CSGALNACT1: variants seen among roughly 807,000 people sequenced by gnomAD.
CSGALNACT1 encodes the protein beta4GalNAcT-1.
CSGALNACT1 carries 52 observed loss-of-function variants against 51.0 expected under a neutral mutation model. That is an observed-to-expected ratio of 1.02 (90% CI 0.82 to 1.29). CSGALNACT1 has a LOEUF of 1.29. Ranked by LOEUF, CSGALNACT1 falls within the 50% of genes most tolerant of loss-of-function variation. CSGALNACT1 has a pLI of 0.00. For synonymous variants in CSGALNACT1, 341 were observed against 254.4 expected, an observed-to-expected ratio of 1.34 and a Z score of -3.24; for missense variants, 935 against 679.2, an observed-to-expected ratio of 1.38 and a Z score of -4.19.
chr8:19,528,868 C>A (rs1231269183), intron 3 of CSGALNACT1, among the ~76,000 whole-genome samples: 1 of 152,132 alleles, frequency 6.6e-6, no homozygotes, highest in Non-Finnish European at 1.5e-5. Context: ...ATACCCCAAA[C>A]GCTAAGGCTA....
At chr8:19,594,548 C>A (rs1426720483) in intron 2 of CSGALNACT1, among the ~76,000 whole-genome samples, 1 of 152,122 alleles carries the variant, frequency 6.6e-6, no homozygotes, top group Non-Finnish European at 1.5e-5. Context: ...CACCCAGGCA[C>A]CGTCTTCATT....
intron 4 of CSGALNACT1, among the ~76,000 whole-genome samples, chr8:19,468,967 C>A (rs1337273815): frequency 6.6e-6 from 1 of 152,130 alleles, no homozygotes. Flanking sequence ...GCAAGGGTCA[C>A]TGAGAAGTCC....
At chr8:19,438,197 C>CGGGGGG (rs913808381) in intron 6 of CSGALNACT1, among the ~76,000 whole-genome samples, 2 of 146,240 alleles carry the variant, frequency 1.4e-5, no homozygotes, top group Non-Finnish European at 1.5e-5. Context: ...GGGCGGGGGT[C>CGGGGGG]GGGGGGCAGC....
upstream of CSGALNACT1, chr8:19,682,681 T>C (rs1352682785): frequency 2.2e-6 from 1 of 454,098 alleles, no homozygotes; most frequent in South Asian, 1.6e-5. Flanking sequence ...TTGACACAAG[T>C]CTTGGGTTAC....
At chr8:19,676,479 A>G (rs188421085) in intron 1 of CSGALNACT1, among the ~76,000 whole-genome samples, 1 of 152,352 alleles carries the variant, frequency 6.6e-6, no homozygotes, top group Admixed American at 6.5e-5. Context: ...AACAGTCAAG[A>G]AAAGTCAGTA....
intron 3 of CSGALNACT1, among the ~76,000 whole-genome samples, chr8:19,511,772 G>C (rs1225207507): frequency 6.6e-6 from 1 of 152,126 alleles, no homozygotes; most frequent in African/African-American, 2.4e-5. Context: ...AAGAAAAGAG[G>C]TTTAATTGAC....
intron 3 of CSGALNACT1, among the ~76,000 whole-genome samples, chr8:19,528,099 CT>C (rs1287832680): frequency 6.6e-6 from 1 of 152,076 alleles, no homozygotes. Context: ...AACTTGGGGG[CT>C]GAGGCTCTGC....
intron 6 of CSGALNACT1, among the ~76,000 whole-genome samples, chr8:19,433,295 A>G (rs1463178393): frequency 6.6e-6 from 1 of 152,092 alleles, no homozygotes; most frequent in African/African-American, 2.4e-5. Context: ...TTTATCCTTT[A>G]CTTCTTGCTT....
intron 3 of CSGALNACT1, among the ~76,000 whole-genome samples, chr8:19,560,469 A>C (rs901020987): frequency 6.6e-6 from 1 of 152,174 alleles, no homozygotes; most frequent in South Asian, 2.1e-4. Context: ...CAGAGTAGGA[A>C]AGAGATCAGT....
intron 1 of CSGALNACT1, among the ~76,000 whole-genome samples, chr8:19,756,030 G>A (rs971683851): frequency 1.3e-5 from 2 of 152,056 alleles, no homozygotes; most frequent in Admixed American, 1.3e-4. Context: ...TATGCCTAAG[G>A]CTTACATAAA....
chr8:19,616,905 G>A (rs967636993), intron 1 of CSGALNACT1, among the ~76,000 whole-genome samples: 2 of 152,152 alleles, frequency 1.3e-5, no homozygotes, highest in African/African-American at 4.8e-5. Context: ...ACGGGGGTGG[G>A]GCAGGGTTGG....
rs186598322 is a variant in CSGALNACT1 at position 19,621,118 on chromosome 8, A to C, written c.-543-19253T>G. The stretch of plus-strand genomic sequence containing the variant: ...GAAATGAATGCTAGAAGTGATAAAG[A>C]AGTAACTACTGTATTTAAGTTAGTG... On this transcript the variant is annotated intron_variant, in intron 1 of 9. Coordinates refer to the CSGALNACT1 transcript ENST00000332246. 1.1e-3 allele frequency among the ~76,000 whole-genome samples: 165 copies of C among 152,350 alleles called. 1 individual carries two copies. The highest frequency in any genetic ancestry group is 3.8e-3 in the African/African-American group (157 of 41,582).
At chr8:19,604,307 G>C (rs969508220), upstream of CSGALNACT1, among the ~76,000 whole-genome samples, 2 of 152,160 alleles carry the variant, frequency 1.3e-5, no homozygotes, top group Admixed American at 6.5e-5. Flanking sequence ...ACGCTCTATA[G>C]GAAGAAAAGA....
chr8:19,624,608 G>A (rs1474547602), intron 1 of CSGALNACT1, among the ~76,000 whole-genome samples: 2 of 151,594 alleles, frequency 1.3e-5, no homozygotes, highest in Admixed American at 1.3e-4. Context: ...GGAGTTTGGA[G>A]TCTCCCCCAA....
At chr8:19,469,847 C>G (rs904218401) in intron 4 of CSGALNACT1, among the ~76,000 whole-genome samples, 1 of 152,132 alleles carries the variant, frequency 6.6e-6, no homozygotes, top group Non-Finnish European at 1.5e-5. Context: ...ACTCTTCCTG[C>G]CATGGGAAGG....
chr8:19,636,614 T>C (rs2154173648), intron 1 of CSGALNACT1, among the ~76,000 whole-genome samples: 1 of 152,298 alleles, frequency 6.6e-6, no homozygotes, highest in South Asian at 2.1e-4. Flanking sequence ...ACAAGACCTG[T>C]CTTTCCAAAA....
At chr8:19,666,869 GAAAGAAAGAAAGAA>G (rs1364980648) in intron 1 of CSGALNACT1, among the ~76,000 whole-genome samples, 39 of 128,664 alleles carry the variant, frequency 3.0e-4, no homozygotes, top group Middle Eastern at 3.8e-3. Context: ...AAGAAAGAAA[GAAAGAAAGAAAGAA>G]AGAGAGAGAG....
chr8:19,722,664 G>A (rs1564471636), intron 1 of CSGALNACT1, among the ~76,000 whole-genome samples: 3 of 152,172 alleles, frequency 2.0e-5, no homozygotes, highest in Admixed American at 2.0e-4. Flanking sequence ...CAGCCCTGGC[G>A]CATTGACCAG....
At chr8:19,469,674 A>G (rs550322798) in intron 4 of CSGALNACT1, among the ~76,000 whole-genome samples, 131 of 152,288 alleles carry the variant, frequency 8.6e-4, no homozygotes, top group East Asian at 7.2e-3. Flanking sequence ...CCTACCATGT[A>G]GGTCTCCGCC....
Sources: gnomAD v4.1 joint callset for allele counts (sites outside exome capture counted in the v4.1 genomes callset) on GRCh38, gnomAD v4.1.1 for gene constraint, MANE v1.5 for transcripts, NCBI Gene and HGNC (gene_info 2026-07-23, HGNC 2026-07-21) for gene names.